Variants in PTN observed in about 807,000 individuals in gnomAD.
The protein encoded by PTN is pleiotrophin.
In PTN, 18 loss-of-function variants were observed where a neutral mutation model predicts 24.1. The ratio of observed to expected loss-of-function variants is 0.75; its 90% CI spans 0.52 to 1.11. The LOEUF (loss-of-function observed/expected upper bound fraction) is 1.11, where lower values mean the gene tolerates loss of function less well. Ranked by LOEUF, PTN falls within the 50% of genes least tolerant of loss-of-function variation. The pLI, the probability that PTN is intolerant of heterozygous loss-of-function variation, is 0.00. For missense variants in PTN, 163 were observed against 198.8 expected, an observed-to-expected ratio of 0.82 and a Z score of 1.08; for synonymous variants, 78 against 68.6, an observed-to-expected ratio of 1.14 and a Z score of -0.67.
chr7:137,311,656 T>C (rs547647900), intron 1 of PTN, among the ~76,000 whole-genome samples: 1 of 152,260 alleles, frequency 6.6e-6, no homozygotes, highest in East Asian at 1.9e-4. Flanking sequence ...GGAGGCTCAA[T>C]AAGAGGAAGA....
intron 4 of PTN, among the ~76,000 whole-genome samples, chr7:137,235,304 C>T (rs536347880): frequency 5.9e-5 from 9 of 152,084 alleles, no homozygotes; most frequent in Admixed American, 1.3e-4. Flanking sequence ...CCTCGCCCCA[C>T]GTCAGCTATG....
intron 1 of PTN, among the ~76,000 whole-genome samples, chr7:137,324,433 A>AAAAAAAAAAAAAAAATATATATATATAT: frequency 5.6e-5 from 5 of 88,802 alleles, no homozygotes; most frequent in African/African-American, 3.5e-4. Flanking sequence ...AAAAAAAAAA[A>AAAAAAAAAAAAAAAATATATATATATAT]ATATATATAT....
intron 4 of PTN, among the ~76,000 whole-genome samples, chr7:137,250,434 G>A (rs941372427): frequency 4.6e-5 from 7 of 152,104 alleles, no homozygotes; most frequent in Non-Finnish European, 8.8e-5. Context: ...CTGGATTAGG[G>A]CCTACCCTTG....
chr7:137,301,812 A>C (rs1809810740), intron 1 of PTN, among the ~76,000 whole-genome samples: 1 of 151,990 alleles, frequency 6.6e-6, no homozygotes, highest in Non-Finnish European at 1.5e-5. Context: ...TTTTTGATTA[A>C]TGTAAAAATT....
chr7:137,260,657 T>C (rs184564247), intron 1 of PTN, among the ~76,000 whole-genome samples: 4 of 152,292 alleles, frequency 2.6e-5, no homozygotes, highest in African/African-American at 9.6e-5. Context: ...TTCCAGATTT[T>C]GATGATTGCA....
At chr7:137,338,395 AT>A (rs1810482152) in intron 1 of PTN, among the ~76,000 whole-genome samples, 1 of 152,256 alleles carries the variant, frequency 6.6e-6, no homozygotes, top group Admixed American at 6.5e-5. Flanking sequence ...CAAATGTGAA[AT>A]GAAAACACGA....
At chr7:137,266,631 T>C (rs1319321127) in intron 1 of PTN, among the ~76,000 whole-genome samples, 3 of 151,820 alleles carry the variant, frequency 2.0e-5, no homozygotes, top group Non-Finnish European at 4.4e-5. Flanking sequence ...TCCCCTTTTT[T>C]TTCCTTTTTT....
At chr7:137,293,499 TGTGCAGG>T (rs1406744805) in intron 1 of PTN, among the ~76,000 whole-genome samples, 1 of 152,142 alleles carries the variant, frequency 6.6e-6, no homozygotes, top group Non-Finnish European at 1.5e-5. Context: ...TGGAGTTACT[TGTGCAGG>T]GTGCTGAGGA....
At chr7:137,272,775 G>A (rs957533897) in intron 1 of PTN, among the ~76,000 whole-genome samples, 8 of 152,088 alleles carry the variant, frequency 5.3e-5, no homozygotes, top group Admixed American at 5.2e-4. Context: ...ATACATAAAG[G>A]AAGTAGAGAA....
chr7:137,245,609 T>TAA (rs113266553), intron 4 of PTN, among the ~76,000 whole-genome samples: 2 of 147,250 alleles, frequency 1.4e-5, no homozygotes, highest in African/African-American at 2.5e-5. Context: ...TTCTTCTTAG[T>TAA]AAAAAAAAAA....
At position 137,314,888 on chromosome 7, in the gene PTN, C is replaced by T. The variant is rs886449746; in HGVS notation, c.-2+28551G>A. Among the ~76,000 whole-genome samples the T allele has an allele frequency of 3.3e-5, 5 of 152,138 alleles. No homozygotes were observed. The East Asian group carries it at 5.8e-4, about 18-fold the overall frequency. Reference sequence around the variant, plus strand: ...GATTACAGGTGTGAGCCACCGCACCCGGCCCATGTTGCTTTGTGATACTAG... The same window carrying T: ...GATTACAGGTGTGAGCCACCGCACCTGGCCCATGTTGCTTTGTGATACTAG... On this transcript the variant is annotated intron_variant, in intron 1 of 4. Transcript: ENST00000348225.
intron 4 of PTN, 110 bp from the exon 5 acceptor site, chr7:137,228,185 A>G: frequency 2.8e-6 from 2 of 707,580 alleles, no homozygotes; most frequent in Non-Finnish European, 4.9e-6. Flanking sequence ...ACTGATACAC[A>G]AGTTGTTTGC....
intron 1 of PTN, among the ~76,000 whole-genome samples, chr7:137,288,121 T>C (rs772461383): frequency 6.6e-6 from 1 of 152,138 alleles, no homozygotes; most frequent in Non-Finnish European, 1.5e-5. Context: ...AAGCAGAGAA[T>C]TGATTAGGAT....
chr7:137,272,820 T>C (rs116414203), intron 1 of PTN, among the ~76,000 whole-genome samples: 98 of 152,338 alleles, frequency 6.4e-4, no homozygotes, highest in Admixed American at 2.1e-3. Context: ...ATACTGAAAG[T>C]CCACTATAGT....
intron 1 of PTN, among the ~76,000 whole-genome samples, chr7:137,256,863 A>G (rs1346099183): frequency 1.3e-5 from 2 of 152,206 alleles, no homozygotes; most frequent in African/African-American, 2.4e-5. Flanking sequence ...AGGATATGAC[A>G]GACACTTTTC....
At chr7:137,242,808 C>A (rs921137399) in intron 4 of PTN, among the ~76,000 whole-genome samples, 1 of 152,220 alleles carries the variant, frequency 6.6e-6, no homozygotes, top group African/African-American at 2.4e-5. Flanking sequence ...CTGACCCACA[C>A]AGACAGGACT....
intron 4 of PTN, among the ~76,000 whole-genome samples, chr7:137,249,539 C>G (rs1808785285): frequency 6.6e-6 from 1 of 152,096 alleles, no homozygotes; most frequent in African/African-American, 2.4e-5. Flanking sequence ...AATGTGGAAG[C>G]TTCTTTAATT....
At chr7:137,278,606 C>A (rs193183044) in intron 1 of PTN, among the ~76,000 whole-genome samples, 2 of 152,064 alleles carry the variant, frequency 1.3e-5, no homozygotes, top group Admixed American at 1.3e-4. Context: ...AAAAACATAA[C>A]AATACCAAAT....
rs1023583494 is a variant in PTN at position 137,227,451 on chromosome 7, T to C, written c.*569A>G. ...TCTGCCAAAGTGAAAGAATTTTATG[T>C]CTTAATGCTTTTCTTTAAAAAAAAA... On this transcript the variant is annotated 3_prime_UTR_variant, in exon 5 of 5. Transcript: ENST00000348225. 6.7e-6 allele frequency: 1 copy of C among 149,624 alleles called. No individual in the cohort carries two copies. Among genetic ancestry groups the C allele is most frequent in the African/African-American group, 2.5e-5 (1 of 40,148 alleles). The allele number at this position is 149,624 out of a possible 1,614,324, so 9.3% of individuals were successfully genotyped here.
Sources: gnomAD v4.1 joint callset for allele counts (sites outside exome capture counted in the v4.1 genomes callset) on GRCh38, gnomAD v4.1.1 for gene constraint, MANE v1.5 for transcripts, NCBI Gene and HGNC (gene_info 2026-07-23, HGNC 2026-07-21) for gene names.